The following PICALM variants were observed in gnomAD, a reference collection of about 807,000 sequenced individuals.
PICALM encodes phosphatidylinositol-binding clathrin assembly protein.
In PICALM, 40 loss-of-function variants were observed where a neutral mutation model predicts 80.5. The observed-to-expected ratio is 0.50, with a 90% confidence interval of 0.39 to 0.65. The LOEUF (loss-of-function observed/expected upper bound fraction) is 0.65, where lower values mean the gene tolerates loss of function less well. Ranked by LOEUF, PICALM falls within the 30% of genes least tolerant of loss-of-function variation. The probability of loss-of-function intolerance (pLI) is 0.00; values close to 1 mark genes in which losing one functional copy is unlikely to be tolerated. For synonymous variants in PICALM, 288 were observed against 260.3 expected (o/e 1.11, Z -1.02); for missense variants, 676 against 778.9 (o/e 0.87, Z 1.57).
At chr11:86,059,563 G>T (rs1464014722) in intron 1 of PICALM, among the ~76,000 whole-genome samples, 1 of 152,194 alleles carries the variant, frequency 6.6e-6, no homozygotes, top group Non-Finnish European at 1.5e-5. Context: ...CACTTTGGGA[G>T]GCCAAGGCCA....
chr11:85,990,257 C>A lies in PICALM; in HGVS notation c.1401G>T (p.Met467Ile). 1 of 1,587,998 alleles carries A rather than the reference C, an allele frequency of 6.3e-7. No individual in the cohort carries two copies. Reference protein sequence around the residue: ...TFTTRTPTHEMFVGFTPSPVA... With the variant: ...TFTTRTPTHEIFVGFTPSPVA... ...GGTTAAATGGTACTTTACCAACAAACATTTCATGAGTAGGTGTCCTAGTAG... is the reference window on the plus strand; with the variant it reads ...GGTTAAATGGTACTTTACCAACAAAAATTTCATGAGTAGGTGTCCTAGTAG... Residue 467 changes from methionine to isoleucine, a missense_variant, in exon 13 of 20, where the codon ATG becomes ATT. By Grantham distance (10) the Met-to-Ile change is conservative. Coordinates refer to ENST00000393346, the MANE Select transcript of PICALM (RefSeq NM_007166.4).
intron 1 of PICALM, among the ~76,000 whole-genome samples, chr11:86,047,172 C>T (rs2096087317): frequency 1.3e-5 from 2 of 152,208 alleles, no homozygotes; most frequent in Admixed American, 1.3e-4. Flanking sequence ...CACTCTACCC[C>T]CATTTCCATG....
intron 4 of PICALM, among the ~76,000 whole-genome samples, 167 bp from the exon 5 acceptor site, chr11:86,015,130 A>G (rs1237870571): frequency 6.6e-6 from 1 of 152,224 alleles, no homozygotes; most frequent in East Asian, 1.9e-4. Context: ...TCATACAGAA[A>G]AAACAAAAAC....
intron 13 of PICALM, among the ~76,000 whole-genome samples, chr11:85,988,485 AG>A (rs1306770419): frequency 2.6e-5 from 4 of 152,188 alleles, no homozygotes; most frequent in Non-Finnish European, 4.4e-5. Context: ...GCTCCAAATG[AG>A]CTGGCTACAG....
chr11:85,980,678 T>C (rs1388599641), intron 17 of PICALM, among the ~76,000 whole-genome samples: 1 of 152,140 alleles, frequency 6.6e-6, no homozygotes, highest in Non-Finnish European at 1.5e-5. Context: ...TTTAGAAAAA[T>C]AAATAAAAAA....
chr11:85,988,690 AAG>A (rs1228311901), intron 13 of PICALM, among the ~76,000 whole-genome samples: 1 of 152,156 alleles, frequency 6.6e-6, no homozygotes, highest in Non-Finnish European at 1.5e-5. Flanking sequence ...AAAAAAAAGA[AAG>A]AGAAGAGGAG....
chr11:85,965,449 G>A (rs2093843759), intron 19 of PICALM, among the ~76,000 whole-genome samples: 1 of 152,186 alleles, frequency 6.6e-6, no homozygotes, highest in Admixed American at 6.5e-5. Context: ...GGATTCCACA[G>A]AGACACTGAG....
chr11:85,982,520 T>C (rs978789612), intron 14 of PICALM, among the ~76,000 whole-genome samples: 2 of 137,538 alleles, frequency 1.5e-5, no homozygotes, highest in Admixed American at 7.7e-5. Flanking sequence ...CTCCACTTCC[T>C]GGGTTCACGC....
chr11:86,053,819 C>T (rs1322146421), intron 1 of PICALM, among the ~76,000 whole-genome samples: 2 of 152,104 alleles, frequency 1.3e-5, no homozygotes, highest in East Asian at 1.9e-4. Flanking sequence ...CTGCCCACCT[C>T]GGCCTCCCAA....
chr11:86,059,238 A>G (rs989508069), intron 1 of PICALM, among the ~76,000 whole-genome samples: 2 of 152,252 alleles, frequency 1.3e-5, no homozygotes, highest in Non-Finnish European at 2.9e-5. Context: ...TAATCATTCA[A>G]TATTTACTGA....
chr11:85,999,301 A>G (rs2095073022), intron 11 of PICALM, among the ~76,000 whole-genome samples: 1 of 152,264 alleles, frequency 6.6e-6, no homozygotes, highest in Non-Finnish European at 1.5e-5. Context: ...AGAATATACA[A>G]TAATAATTCT....
chr11:86,017,742 AAC>A (rs1365557675), intron 4 of PICALM, among the ~76,000 whole-genome samples: 2 of 152,224 alleles, frequency 1.3e-5, no homozygotes, highest in East Asian at 1.9e-4. Flanking sequence ...ATAAATAGTT[AAC>A]AGTTTGTGTG....
intron 19 of PICALM, among the ~76,000 whole-genome samples, chr11:85,963,339 A>C (rs1236078173): frequency 1.3e-5 from 2 of 152,204 alleles, no homozygotes; most frequent in Non-Finnish European, 2.9e-5. Flanking sequence ...CTATTACATC[A>C]CCAGGTATCT....
intron 4 of PICALM, among the ~76,000 whole-genome samples, chr11:86,015,989 A>T (rs1310460934): frequency 1.3e-5 from 2 of 152,240 alleles, no homozygotes; most frequent in Non-Finnish European, 2.9e-5. Flanking sequence ...TCACCTATTG[A>T]TCAGCTTCGG....
intron 8 of PICALM, among the ~76,000 whole-genome samples, chr11:86,006,079 A>G (rs911841816): frequency 1.3e-5 from 2 of 152,240 alleles, no homozygotes; most frequent in Non-Finnish European, 2.9e-5. Flanking sequence ...TAAGGGAAGC[A>G]TAACAAATGG....
At chr11:86,063,509 T>C (rs1291064132) in intron 1 of PICALM, among the ~76,000 whole-genome samples, 1 of 152,204 alleles carries the variant, frequency 6.6e-6, no homozygotes, top group East Asian at 1.9e-4. Context: ...TAGTTGAATA[T>C]TAAGTTCTCT....
intron 1 of PICALM, among the ~76,000 whole-genome samples, chr11:86,036,254 A>C (rs1319728855): frequency 3.3e-5 from 5 of 152,218 alleles, no homozygotes; most frequent in Non-Finnish European, 7.3e-5. Context: ...GCCTAGTCGT[A>C]AGTGTCAATG....
chr11:85,974,442 A>C (rs750837679), intron 19 of PICALM: 1 of 577,888 alleles, frequency 1.7e-6, no homozygotes, highest in Non-Finnish European at 3.4e-6. Context: ...TAGGCTCCTT[A>C]ATCTCAGAAA....
In PICALM at chr11:85,959,009, T is replaced by G; in HGVS notation, c.*37A>C. ...AGTAAGGATTTTGCTGCTTGAGCAC[T>G]TGTCTTTTTGGAGTAATTCCATTTT... On this transcript the variant is annotated 3_prime_UTR_variant, in exon 20 of 20. Transcript: ENST00000393346. The G allele has an allele frequency of 6.4e-7, 1 of 1,559,890 alleles. No homozygotes were observed. Among genetic ancestry groups the G allele is most frequent in the Non-Finnish European group, 8.8e-7 (1 of 1,140,008 alleles).
Sources: allele counts gnomAD v4.1 joint callset (sites outside exome capture counted in the v4.1 genomes callset), GRCh38; gene constraint gnomAD v4.1.1; transcripts MANE v1.5; gene names NCBI Gene and HGNC (gene_info 2026-07-23, HGNC 2026-07-21).